The following BRAF variants were observed in gnomAD, a reference collection of about 807,000 sequenced individuals.
BRAF encodes serine/threonine-protein kinase B-raf.
BRAF carries 16 observed loss-of-function variants against 104.6 expected under a neutral mutation model. The observed-to-expected ratio is 0.15, with a 90% CI of 0.10 to 0.23. BRAF has a LOEUF of 0.23. Among genes scored for constraint, BRAF ranks in the 10% least tolerant of loss-of-function variants. BRAF has a pLI of 1.00. For synonymous variants in BRAF, 310 were observed against 341.6 expected, an observed-to-expected ratio of 0.91 and a Z score of 1.02; for missense variants, 541 against 937.3, an observed-to-expected ratio of 0.58 and a Z score of 5.52.
In BRAF at chr7:140,924,347, G is replaced by C. The variant is rs1818613065; in HGVS notation, c.138+219C>G. Among the ~76,000 whole-genome samples the C allele has an allele frequency of 6.6e-6, 1 of 152,288 alleles. No individual in the cohort carries two copies. Among genetic ancestry groups the C allele is most frequent in the South Asian group, 2.1e-4 (1 of 4,832 alleles). On this transcript the variant is annotated intron_variant, in intron 1 of 19. Transcript: ENST00000644969. The surrounding 1 kb of genome is among the most constrained non-coding windows in gnomAD (Gnocchi z 4.2). ...GCCCCAATCCCCACATCTGGGGTGG[G>C]GGCCAGGGAAACCCCCCGGGCCATT...
intron 14 of BRAF, among the ~76,000 whole-genome samples, chr7:140,759,715 C>T (rs1259295095): frequency 6.6e-6 from 1 of 152,154 alleles, no homozygotes; most frequent in Admixed American, 6.5e-5. Context: ...ATGACTTGTC[C>T]AACCACGAAA....
rs768303459 is a variant in BRAF, at chr7:140,776,964, A to G, written c.1762T>C (p.Phe588Leu). 1.2e-6 allele frequency: 2 copies of G among 1,613,722 alleles called. No individual in the cohort carries two copies. The highest frequency in any genetic ancestry group is 1.7e-6 in the Non-Finnish European group (2 of 1,179,804). The change falls in exon 14 of 20, where the codon TTT (phenylalanine) becomes CTT (leucine). Residue 588 changes from phenylalanine (F) to leucine (L), a missense_variant. By Grantham distance (22) the Phe-to-Leu change is conservative. Around this residue, in one of 10 missense-constraint regions of BRAF, gnomAD observed 129 missense variants for 285.8 expected, o/e 0.45. Transcript: ENST00000644969. ...ATATCTATAAGTTTGATCATCTCAA[A>G]TTTGGTCTCAATGATATGGAGATGG... The part of the protein sequence containing the change: ...YHHLHIIETK[F>L]EMIKLIDIAR...
At chr7:140,779,589 C>CA (rs1310219790) in intron 12 of BRAF, among the ~76,000 whole-genome samples, 1 of 152,178 alleles carries the variant, frequency 6.6e-6, no homozygotes, top group African/African-American at 2.4e-5. Flanking sequence ...TGTCAGCACT[C>CA]AGAAAGTTTT....
intron 1 of BRAF, among the ~76,000 whole-genome samples, chr7:140,917,121 C>T (rs148456571): frequency 9.5e-4 from 144 of 152,322 alleles, no homozygotes; most frequent in African/African-American, 3.3e-3. Flanking sequence ...AGTGCAATGA[C>T]GCGATCTCGG....
chr7:140,924,730 C>G lies in BRAF; in HGVS notation c.-27G>C. ...TTATAACCGAGAGCCGGGGCCCGAGCGGCCGCTGTCGGGCGGGGAGGGGGA... is the reference window on the plus strand; with the variant it reads ...TTATAACCGAGAGCCGGGGCCCGAGGGGCCGCTGTCGGGCGGGGAGGGGGA... On this transcript the variant is annotated 5_prime_UTR_variant, in exon 1 of 20. Coordinates refer to ENST00000644969, the MANE Select transcript of BRAF (RefSeq NM_001374258.1). This position sits in a 1 kb window ranked among gnomAD's most constrained non-coding sequence, Gnocchi z 4.2. 1 of 790,514 alleles carries G rather than the reference C, an allele frequency of 1.3e-6. No homozygotes were observed. The highest frequency in any genetic ancestry group is 2.0e-6 in the Non-Finnish European group (1 of 493,676). The allele number at this position is 790,514 out of a possible 1,614,324, so 49.0% of individuals were successfully genotyped here. A position where few individuals can be genotyped will look rare whatever the true frequency, so the allele number is the denominator to read the frequency against.
intron 14 of BRAF, among the ~76,000 whole-genome samples, chr7:140,759,574 T>G (rs1425537528): frequency 6.6e-6 from 1 of 152,182 alleles, no homozygotes; most frequent in Non-Finnish European, 1.5e-5. Flanking sequence ...TTAGTAGAGA[T>G]GGGGTTTCAC....
At position 140,726,533 on chromosome 7, in the gene BRAF, A is replaced by C; in HGVS notation, c.2402-17T>G. Reference sequence around the variant, plus strand: ...CAAATTCTCCTGTAGAGGGAGGACAAGAGCTAATTTTAAAAAAGTCATCTC... The same window carrying C: ...CAAATTCTCCTGTAGAGGGAGGACACGAGCTAATTTTAAAAAAGTCATCTC... On this transcript the variant is annotated splice_polypyrimidine_tract_variant and intron_variant, in intron 19 of 19. Transcript: ENST00000644969. 6.5e-7 allele frequency: 1 copy of C among 1,530,500 alleles called. No individual in the cohort carries two copies. Among genetic ancestry groups the C allele is most frequent in the Non-Finnish European group, 8.8e-7 (1 of 1,141,624 alleles). The allele number at this position is 1,530,500 out of a possible 1,614,324, so 94.8% of individuals were successfully genotyped here. A position where few individuals can be genotyped will look rare whatever the true frequency, so the allele number is the denominator to read the frequency against.
At chr7:140,776,442 A>G (rs1487936940) in intron 14 of BRAF, among the ~76,000 whole-genome samples, 1 of 152,214 alleles carries the variant, frequency 6.6e-6, no homozygotes. Context: ...GCAAAATTCA[A>G]CAGATAGGAA....
At chr7:140,786,311 A>G (rs1801350747) in intron 9 of BRAF, among the ~76,000 whole-genome samples, 1 of 152,234 alleles carries the variant, frequency 6.6e-6, no homozygotes. Context: ...GTTTATAACA[A>G]TGTTTACTCA....
At chr7:140,921,310 C>A (rs1001233042) in intron 1 of BRAF, among the ~76,000 whole-genome samples, 1 of 151,944 alleles carries the variant, frequency 6.6e-6, no homozygotes, top group Non-Finnish European at 1.5e-5. Flanking sequence ...ATGTTTAATG[C>A]CAAAAGTACA....
chr7:140,740,258 G>T, intron 17 of BRAF: 1 of 248,962 alleles, frequency 4.0e-6, no homozygotes. Context: ...ATCTGACAGT[G>T]CCTCTTCTTT....
At position 140,720,923 on chromosome 7, in the gene BRAF, T is replaced by A. The variant is rs1795290018; in HGVS notation, c.*5571A>T. 1 of 1,065,762 alleles carries A rather than the reference T, an allele frequency of 9.4e-7. No homozygotes were observed. Among genetic ancestry groups the A allele is most frequent in the South Asian group, 4.5e-5 (1 of 21,992 alleles). 66.0% of individuals were successfully genotyped at this position (1,065,762 alleles called of 1,614,324 possible). A position where few individuals can be genotyped will look rare whatever the true frequency, so the allele number is the denominator to read the frequency against. ...CAAATTTTCTGCCAACTCTCCCGCA[T>A]ATGTGCTGTACATGAGAACCAGCGG... is the stretch of plus-strand genomic sequence containing the variant. On this transcript the variant is annotated 3_prime_UTR_variant, in exon 20 of 20. Transcript: ENST00000644969.
intron 3 of BRAF, among the ~76,000 whole-genome samples, chr7:140,826,318 A>C (rs1220846613): frequency 1.3e-5 from 2 of 152,182 alleles, no homozygotes; most frequent in Non-Finnish European, 2.9e-5. Flanking sequence ...TTTCTTTTGA[A>C]CTTTCTACAT....
At chr7:140,873,258 C>T (rs1811825062) in intron 1 of BRAF, among the ~76,000 whole-genome samples, 1 of 150,362 alleles carries the variant, frequency 6.7e-6, no homozygotes, top group Admixed American at 6.7e-5. Flanking sequence ...GCAACCTCTG[C>T]CTCCCAGATT....
rs986844742 is a variant in BRAF, at chr7:140,852,334, A to C, written c.139-2122T>G. Among the ~76,000 whole-genome samples, 54 of 142,880 alleles carry C rather than the reference A, an allele frequency of 3.8e-4. 1 individual carries two copies. The highest frequency in any genetic ancestry group is 6.8e-4 in the Non-Finnish European group (45 of 66,486). 93.7% of individuals were successfully genotyped at this position (142,880 alleles called of 152,430 possible). A position where few individuals can be genotyped will look rare whatever the true frequency, so the allele number is the denominator to read the frequency against. Reference sequence around the variant, plus strand: ...CGGTGAGCCATGAGTGCACCACTACACTCCGGCCTGGGCAACATAGTGAGA... The same window carrying C: ...CGGTGAGCCATGAGTGCACCACTACCCTCCGGCCTGGGCAACATAGTGAGA... On this transcript the variant is annotated intron_variant, in intron 1 of 19. Transcript: ENST00000644969.
intron 1 of BRAF, among the ~76,000 whole-genome samples, chr7:140,858,616 A>G (rs1398040468): frequency 8.5e-5 from 13 of 152,194 alleles, no homozygotes; most frequent in African/African-American, 3.1e-4. Flanking sequence ...ATCTTAGTTT[A>G]GGGATGGAAG....
chr7:140,834,679 G>T lies in BRAF; in HGVS notation c.434C>A (p.Ala145Glu), dbSNP rs1807124690. Reference sequence around the variant, plus strand: ...TTGTGGTGACTTGGGGTTGCTCCGTGCCACATCTGTGGGATTTTGAAAAAC... The same window carrying T: ...TTGTGGTGACTTGGGGTTGCTCCGTTCCACATCTGTGGGATTTTGAAAAAC... ...LSVFQNPTDV[A>E]RSNPKSPQKP... Residue 145 changes from alanine (A) to glutamate (E), a missense_variant, in exon 3 of 20, where the codon GCA becomes GAA. Physicochemically the swap from Ala to Glu is moderately radical, Grantham distance 107 (BLOSUM62 -1). Transcript: ENST00000644969. The T allele has an allele frequency of 6.2e-7, 1 of 1,614,030 alleles. No homozygotes were observed. Among genetic ancestry groups the T allele is most frequent in the South Asian group, 1.1e-5 (1 of 91,082 alleles).
intron 8 of BRAF, among the ~76,000 whole-genome samples, chr7:140,788,595 T>C (rs1166332348): frequency 2.0e-5 from 3 of 152,030 alleles, no homozygotes; most frequent in South Asian, 2.1e-4. Flanking sequence ...TTGTTAAAAT[T>C]TGTCCTTTTT....
intron 1 of BRAF, among the ~76,000 whole-genome samples, chr7:140,877,638 A>G (rs1250543833): frequency 6.6e-6 from 1 of 152,134 alleles, no homozygotes; most frequent in Non-Finnish European, 1.5e-5. Context: ...GAAGACACAA[A>G]TTAACAATAT....
Sources: allele counts gnomAD v4.1 joint callset (sites outside exome capture counted in the v4.1 genomes callset), GRCh38; gene constraint gnomAD v4.1.1; regional missense constraint gnomAD v4.1.1; non-coding constraint Gnocchi (gnomAD v3.1); transcripts MANE v1.5; gene names NCBI Gene and HGNC (gene_info 2026-07-23, HGNC 2026-07-21).